The following SLC39A8 variants were observed in gnomAD, a reference collection of about 807,000 sequenced individuals.
The protein encoded by SLC39A8 is solute carrier family 39 member 8.
Under a neutral mutation model 40.4 loss-of-function variants are expected in SLC39A8, and 15 were observed. That is an observed-to-expected ratio of 0.37 (90% CI 0.25 to 0.57). The LOEUF (loss-of-function observed/expected upper bound fraction) is 0.57. Among genes scored for constraint, SLC39A8 ranks in the 20% least tolerant of loss-of-function variants. The pLI is 0.75. For missense variants in SLC39A8, 472 were observed against 558.8 expected (o/e 0.84, Z 1.57); for synonymous variants, 223 against 221.6 (o/e 1.01, Z -0.06).
intron 6 of SLC39A8, among the ~76,000 whole-genome samples, chr4:102,268,859 A>G (rs1732225459): frequency 6.6e-6 from 1 of 152,252 alleles, no homozygotes; most frequent in African/African-American, 2.4e-5. Flanking sequence ...AATTTACAAA[A>G]TTGTACAAAA....
chr4:102,276,725 C>T (rs233831), intron 6 of SLC39A8, among the ~76,000 whole-genome samples: 94,523 of 151,940 alleles, frequency 0.62, 29,946 homozygotes, highest in Middle Eastern at 0.74. Context: ...TGAACATCGA[C>T]GCAAAAATCC....
chr4:102,322,378 T>C (rs979290935), intron 2 of SLC39A8, among the ~76,000 whole-genome samples: 2 of 152,228 alleles, frequency 1.3e-5, no homozygotes, highest in Non-Finnish European at 2.9e-5. Context: ...TAATTAAAGT[T>C]GATTTTTTTT....
chr4:102,260,961 C>G (rs187691829), downstream of SLC39A8, among the ~76,000 whole-genome samples: 4 of 152,280 alleles, frequency 2.6e-5, no homozygotes, highest in East Asian at 1.9e-4. Flanking sequence ...CTGGGACCAT[C>G]CAGAAGCTGG....
intron 2 of SLC39A8, among the ~76,000 whole-genome samples, chr4:102,341,125 T>C (rs1440210261): frequency 2.0e-5 from 3 of 151,912 alleles, no homozygotes; most frequent in Non-Finnish European, 1.5e-5. Flanking sequence ...GAAGACTGAA[T>C]ATGAACTGAA....
intron 8 of SLC39A8, among the ~76,000 whole-genome samples, chr4:102,264,346 T>C (rs564363523): frequency 2.8e-4 from 42 of 152,314 alleles, no homozygotes; most frequent in Admixed American, 1.3e-3. Flanking sequence ...TGAGCAGTAA[T>C]GTTTGAAAGG....
intron 2 of SLC39A8, among the ~76,000 whole-genome samples, chr4:102,334,638 G>A (rs1735595158): frequency 6.6e-6 from 1 of 152,156 alleles, no homozygotes; most frequent in Non-Finnish European, 1.5e-5. Flanking sequence ...TCAAGAAAAT[G>A]GCATTAGTTC....
At position 102,344,430 on chromosome 4, in the gene SLC39A8, C is replaced by T. The variant is rs1242157666; in HGVS notation, c.219+14G>A. 2 of 1,507,312 alleles carry T rather than the reference C, an allele frequency of 1.3e-6. No homozygotes were observed. The highest frequency in any genetic ancestry group is 2.2e-5 in the Admixed American group (1 of 45,102). The allele number at this position is 1,507,312 out of a possible 1,614,324, so 93.4% of individuals were successfully genotyped here. ...CCCACAGTACGGAGGGCTGCCCGGA[C>T]CTGGCGGCCTTACCTGGTTGAAGTG... On this transcript the variant is annotated intron_variant, in intron 2 of 8. Coordinates refer to ENST00000356736, the MANE Select transcript of SLC39A8 (RefSeq NM_001135146.2).
At chr4:102,298,812 C>T (rs940642403) in intron 6 of SLC39A8, among the ~76,000 whole-genome samples, 1 of 151,998 alleles carries the variant, frequency 6.6e-6, no homozygotes, top group Non-Finnish European at 1.5e-5. Context: ...CAACAAGAAG[C>T]AAAGTGATGC....
intron 6 of SLC39A8, among the ~76,000 whole-genome samples, chr4:102,300,138 C>T (rs1358792208): frequency 4.6e-5 from 7 of 152,156 alleles, no homozygotes; most frequent in East Asian, 3.9e-4. Context: ...AAAGCATGCA[C>T]GTGCCCACAC....
chr4:102,334,087 A>G (rs2149053144), intron 2 of SLC39A8, among the ~76,000 whole-genome samples: 1 of 152,286 alleles, frequency 6.6e-6, no homozygotes, highest in East Asian at 1.9e-4. Context: ...GGGACAGAAA[A>G]AAGCCAGAAC....
intron 8 of SLC39A8, among the ~76,000 whole-genome samples, chr4:102,266,375 CT>C (rs11330081): frequency 0.081 from 12,249 of 152,100 alleles, 1,588 homozygotes; most frequent in African/African-American, 0.28. Flanking sequence ...AGATGAAATC[CT>C]TGCTCTTCTG....
intron 6 of SLC39A8, among the ~76,000 whole-genome samples, chr4:102,272,001 C>G (rs542128851): frequency 6.6e-5 from 10 of 152,136 alleles, no homozygotes; most frequent in African/African-American, 2.4e-4. Flanking sequence ...GGTGTCATCT[C>G]TGCTGTAGAG....
At chr4:102,320,541 T>C (rs1335613598) in intron 2 of SLC39A8, among the ~76,000 whole-genome samples, 24 of 31,368 alleles carry the variant, frequency 7.7e-4, no homozygotes, top group South Asian at 3.3e-3. Context: ...AATATATATA[T>C]GAGAGTATAT....
chr4:102,344,738 T>C lies in SLC39A8; in HGVS notation c.-76A>G. 1.5e-6 allele frequency: 2 copies of C among 1,365,578 alleles called. No homozygotes were observed. The highest frequency in any genetic ancestry group is 1.9e-6 in the Non-Finnish European group (2 of 1,067,264). The allele number at this position is 1,365,578 out of a possible 1,614,324, so 84.6% of individuals were successfully genotyped here. On this transcript the variant is annotated 5_prime_UTR_variant, in exon 2 of 9. Coordinates refer to ENST00000356736, the MANE Select transcript of SLC39A8 (RefSeq NM_001135146.2). ...GACGCGCGCGGGCGCACTGGCGTCC[T>C]TGCCCAAGGGCGGGAGCGTCAGTGC...
rs908743137 is a variant in SLC39A8, at chr4:102,337,797, G to C, written c.219+6647C>G. ...AGGTTTCATACTAGACATGCCTGAA[G>C]TCTATCCATAGAAGAAAGTACTATT... On this transcript the variant is annotated intron_variant, in intron 2 of 8. Transcript: ENST00000356736. Among the ~76,000 whole-genome samples, 5 of 152,268 alleles carry C rather than the reference G, an allele frequency of 3.3e-5. No homozygotes were observed. The South Asian group carries it at 1.0e-3, about 32-fold the overall frequency.
intron 2 of SLC39A8, among the ~76,000 whole-genome samples, chr4:102,342,061 A>T (rs1290441499): frequency 6.6e-6 from 1 of 152,098 alleles, no homozygotes; most frequent in Non-Finnish European, 1.5e-5. Context: ...CTAAAATTTT[A>T]CTCCAGAATT....
At chr4:102,269,162 TA>T (rs34250686) in intron 6 of SLC39A8, among the ~76,000 whole-genome samples, 25,674 of 149,202 alleles carry the variant, frequency 0.17, 2,547 homozygotes, top group Non-Finnish European at 0.23. Context: ...ATGGATACAT[TA>T]AAAAAAAAAC....
intron 6 of SLC39A8, among the ~76,000 whole-genome samples, chr4:102,296,390 G>T (rs1257498424): frequency 6.6e-6 from 1 of 151,952 alleles, no homozygotes; most frequent in African/African-American, 2.4e-5. Context: ...ATTCCCAAAG[G>T]TGCAAAAGAT....
At chr4:102,287,108 A>C (rs1338607057) in intron 6 of SLC39A8, among the ~76,000 whole-genome samples, 1 of 152,260 alleles carries the variant, frequency 6.6e-6, no homozygotes, top group African/African-American at 2.4e-5. Context: ...AATAATAGCT[A>C]AAAAGCTACC....
Sources: allele counts gnomAD v4.1 joint callset (sites outside exome capture counted in the v4.1 genomes callset), GRCh38; gene constraint gnomAD v4.1.1; transcripts MANE v1.5; gene names NCBI Gene and HGNC (gene_info 2026-07-23, HGNC 2026-07-21).